The following RARB variants were observed in gnomAD, a reference collection of about 807,000 sequenced individuals.
RARB encodes the protein retinoic acid receptor beta.
Under a neutral mutation model 51.9 loss-of-function variants are expected in RARB, and 17 were observed. The ratio of observed to expected loss-of-function variants is 0.33; its 90% CI spans 0.22 to 0.49. The LOEUF (loss-of-function observed/expected upper bound fraction) is 0.49, where lower values mean the gene tolerates loss of function less well. Ranked by LOEUF, RARB falls within the 20% of genes least tolerant of loss-of-function variation. RARB has a pLI of 0.99. For missense variants in RARB, 369 were observed against 550.8 expected, an observed-to-expected ratio of 0.67 and a Z score of 3.30; for synonymous variants, 215 against 195.4, an observed-to-expected ratio of 1.10 and a Z score of -0.84.
chr3:25,483,365 A>C (rs1028536030), intron 2 of RARB, among the ~76,000 whole-genome samples: 3 of 152,196 alleles, frequency 2.0e-5, no homozygotes, highest in African/African-American at 7.2e-5. Flanking sequence ...ACCTAGAAAA[A>C]GAATCACACA....
intron 2 of RARB, among the ~76,000 whole-genome samples, chr3:24,962,917 A>G (rs982968062): frequency 2.6e-5 from 4 of 152,182 alleles, no homozygotes; most frequent in Admixed American, 2.6e-4. Flanking sequence ...CCCATTTTAC[A>G]GATGAGGAAC....
chr3:25,189,253 C>T (rs78801258), intron 5 of RARB, among the ~76,000 whole-genome samples: 3,045 of 152,216 alleles, frequency 0.02, 43 homozygotes, highest in Middle Eastern at 0.048. Flanking sequence ...CCAGGTACAT[C>T]GCTCTCTGAC....
intron 2 of RARB, among the ~76,000 whole-genome samples, chr3:24,905,550 G>C (rs1694843019): frequency 6.6e-6 from 1 of 152,140 alleles, no homozygotes; most frequent in Admixed American, 6.5e-5. Context: ...AGATTACTAG[G>C]TAGAGTTTTT....
chr3:25,174,301 C>A, exon 5 of RARB: 1 of 1,080,722 alleles, frequency 9.3e-7, no homozygotes, highest in Non-Finnish European at 1.3e-6. Context: ...AGCTCAGCCT[C>A]AACTCCTGCA....
At chr3:25,305,347 C>A (rs1704130156) in intron 5 of RARB, among the ~76,000 whole-genome samples, 1 of 151,972 alleles carries the variant, frequency 6.6e-6, no homozygotes, top group Non-Finnish European at 1.5e-5. Context: ...TGCCCCAGAG[C>A]CAAGATGGAA....
intron 2 of RARB, among the ~76,000 whole-genome samples, chr3:24,925,847 C>A (rs1350264011): frequency 1.3e-5 from 2 of 151,986 alleles, no homozygotes; most frequent in Non-Finnish European, 2.9e-5. Context: ...ATAATCTCAT[C>A]CCAATTTTCT....
chr3:25,054,854 G>GC (rs1325379020), intron 2 of RARB, among the ~76,000 whole-genome samples: 1 of 152,148 alleles, frequency 6.6e-6, no homozygotes, highest in Non-Finnish European at 1.5e-5. Flanking sequence ...GAGTTATTGA[G>GC]CTAGTTCAAA....
chr3:25,101,994 A>G (rs954075297), intron 3 of RARB, among the ~76,000 whole-genome samples: 2 of 152,186 alleles, frequency 1.3e-5, no homozygotes, highest in African/African-American at 2.4e-5. Flanking sequence ...GTCTGTTGTA[A>G]GCATGGTACA....
chr3:25,398,512 T>A (rs1707178104), intron 5 of RARB, among the ~76,000 whole-genome samples: 1 of 152,214 alleles, frequency 6.6e-6, no homozygotes, highest in African/African-American at 2.4e-5. Flanking sequence ...ATTGCTGGCA[T>A]ATATCTTAGA....
At chr3:25,238,628 G>T (rs1009995976) in intron 5 of RARB, among the ~76,000 whole-genome samples, 1 of 152,136 alleles carries the variant, frequency 6.6e-6, no homozygotes, top group Admixed American at 6.5e-5. Context: ...CCCACCAATG[G>T]TGTATAAGAA....
At chr3:24,847,373 G>A (rs1702497847) in intron 1 of RARB, among the ~76,000 whole-genome samples, 2 of 152,200 alleles carry the variant, frequency 1.3e-5, no homozygotes, top group South Asian at 2.1e-4. Context: ...ATATTCTGGA[G>A]TGGAAGATTG....
chr3:25,417,213 ACTG>A (rs1162509476), intron 5 of RARB, among the ~76,000 whole-genome samples: 4 of 151,026 alleles, frequency 2.6e-5, no homozygotes, highest in Non-Finnish European at 5.9e-5. Flanking sequence ...AAAAAAAAAA[ACTG>A]CTGCCTGTCT....
intron 3 of RARB, among the ~76,000 whole-genome samples, chr3:25,531,838 T>C (rs1304036615): frequency 6.6e-6 from 1 of 152,036 alleles, no homozygotes; most frequent in African/African-American, 2.4e-5. Context: ...AAGAGCTCGA[T>C]TTAATTTCCC....
chr3:25,108,173 A>G (rs373802270), intron 3 of RARB, among the ~76,000 whole-genome samples: 2 of 152,272 alleles, frequency 1.3e-5, no homozygotes, highest in South Asian at 4.2e-4. Flanking sequence ...TCAGTCCACA[A>G]CTGAAAATTA....
At chr3:25,372,572 A>G (rs372896120) in intron 5 of RARB, among the ~76,000 whole-genome samples, 1 of 152,338 alleles carries the variant, frequency 6.6e-6, no homozygotes, top group East Asian at 1.9e-4. Flanking sequence ...CTGTAATCCC[A>G]GCACTTTGGG....
intron 2 of RARB, among the ~76,000 whole-genome samples, chr3:25,468,372 CTTTTTTTTTTTTT>C: frequency 1.2e-5 from 1 of 81,710 alleles, no homozygotes; most frequent in South Asian, 5.2e-4. Context: ...GGCATTTGGG[CTTTTTTTTTTTTT>C]TTTTTTTTTT....
chr3:24,883,845 C>G (rs981840452), intron 2 of RARB, among the ~76,000 whole-genome samples: 1 of 151,978 alleles, frequency 6.6e-6, no homozygotes, highest in Admixed American at 6.6e-5. Context: ...ATGATTCTTG[C>G]GTAAGTTGCT....
At chr3:24,907,649 A>G (rs1433063253) in intron 2 of RARB, among the ~76,000 whole-genome samples, 2 of 152,168 alleles carry the variant, frequency 1.3e-5, no homozygotes, top group Admixed American at 6.5e-5. Context: ...CAGCTTACTT[A>G]AGAAATTTGC....
chr3:24,855,140 AG>A (rs763188799), intron 1 of RARB, among the ~76,000 whole-genome samples: 1 of 152,236 alleles, frequency 6.6e-6, no homozygotes, highest in Non-Finnish European at 1.5e-5. Flanking sequence ...CTGGGAAGAT[AG>A]GAAAGAAGGT....
Sources: allele counts gnomAD v4.1 joint callset (sites outside exome capture counted in the v4.1 genomes callset), GRCh38; gene constraint gnomAD v4.1.1; transcripts MANE v1.5; gene names NCBI Gene and HGNC (gene_info 2026-07-23, HGNC 2026-07-21).